AGBL1: variants seen among roughly 807,000 people sequenced by gnomAD.
AGBL1 encodes the protein AGBL carboxypeptidase 1.
AGBL1 carries 130 observed loss-of-function variants against 118.9 expected under a neutral mutation model. That is an observed-to-expected ratio of 1.09 (90% CI 0.95 to 1.26). The LOEUF (loss-of-function observed/expected upper bound fraction) is 1.26, where lower values mean the gene tolerates loss of function less well. AGBL1 is among the 50% of genes most tolerant of loss of function. AGBL1 has a pLI of 0.00. For missense variants in AGBL1, 1,584 were observed against 1,298.1 expected, an observed-to-expected ratio of 1.22 and a Z score of -3.38; for synonymous variants, 555 against 478.9, an observed-to-expected ratio of 1.16 and a Z score of -2.08.
In AGBL1 at chr15:86,279,634, T is replaced by G. The variant is rs1210164873; in HGVS notation, c.2076-5T>G. The G allele has an allele frequency of 1.2e-6, 2 of 1,612,658 alleles. No individual in the cohort carries two copies. Among genetic ancestry groups the G allele is most frequent in the African/African-American group, 1.3e-5 (1 of 74,866 alleles). On this transcript the variant is annotated splice_region_variant and splice_polypyrimidine_tract_variant and intron_variant, in intron 15 of 22. Coordinates refer to ENST00000614907, the MANE Select transcript of AGBL1 (RefSeq NM_001386094.1). ...TTCTCTTCTCTTCTCCTCCTCTCTC[T>G]TTAGAAATCATTATCGCCAGAGTAC...
chr15:86,913,188 C>A lies in AGBL1; in HGVS notation c.*5894C>A, dbSNP rs72754037. ...CTGAAGCTGAGTTTGAGTTCCCCAC[C>A]ACACACACACATACACACACACACA... On this transcript the variant is annotated 3_prime_UTR_variant, in exon 23 of 23. Coordinates refer to ENST00000614907, the MANE Select transcript of AGBL1 (RefSeq NM_001386094.1). The A allele has an allele frequency of 1.7e-5, 2 of 117,066 alleles. No individual in the cohort carries two copies. Among genetic ancestry groups the A allele is most frequent in the East Asian group, 2.4e-4 (1 of 4,230 alleles). The allele number at this position is 117,066 out of a possible 1,614,324, so 7.3% of individuals were successfully genotyped here. A position where few individuals can be genotyped will look rare whatever the true frequency, so the allele number is the denominator to read the frequency against.
At chr15:86,749,542 A>G (rs28889992) in intron 22 of AGBL1, among the ~76,000 whole-genome samples, 2,169 of 152,170 alleles carry the variant, frequency 0.014, 63 homozygotes, top group African/African-American at 0.049. Context: ...AACTTCCAAC[A>G]CTATGTTGAA....
intron 1 of AGBL1, among the ~76,000 whole-genome samples, chr15:86,081,597 A>C (rs889808539): frequency 3.3e-5 from 5 of 152,166 alleles, no homozygotes; most frequent in African/African-American, 1.2e-4. Flanking sequence ...CCTCAAAAGA[A>C]ATTTGCAAAA....
chr15:86,169,684 G>A (rs554337779), intron 5 of AGBL1, among the ~76,000 whole-genome samples: 6 of 152,132 alleles, frequency 3.9e-5, no homozygotes, highest in Non-Finnish European at 7.4e-5. Flanking sequence ...ATTGTTTAGG[G>A]AATAATGACA....
chr15:86,269,951 T>C lies in AGBL1; in HGVS notation c.1871T>C (p.Val624Ala). The C allele has an allele frequency of 1.9e-6, 3 of 1,613,916 alleles. No individual in the cohort carries two copies. The highest frequency in any genetic ancestry group is 2.5e-6 in the Non-Finnish European group (3 of 1,179,854). The change falls in exon 14 of 23, where the codon GTG becomes GCG. Residue 624 changes from valine to alanine, a missense_variant. Transcript: ENST00000614907. ...FEYDLLVNAD[V>A]NSTQHQQWFY... is the part of the protein sequence containing the mutation. ...TATGACTTGCTGGTCAACGCAGATGTGAATAGCACCCAGCACCAGCAGTGG... is the reference window on the plus strand; with the variant it reads ...TATGACTTGCTGGTCAACGCAGATGCGAATAGCACCCAGCACCAGCAGTGG...
At chr15:86,331,330 T>C (rs1021374995) in intron 17 of AGBL1, among the ~76,000 whole-genome samples, 6 of 151,942 alleles carry the variant, frequency 3.9e-5, no homozygotes, top group Admixed American at 3.9e-4. Flanking sequence ...TCTCTCTTCT[T>C]CTCTCCTGAG....
In AGBL1 at chr15:86,562,980, G is replaced by A. The variant is rs187982160; in HGVS notation, c.2994+8443G>A. On this transcript the variant is annotated intron_variant, in intron 21 of 22. Coordinates refer to ENST00000614907, the MANE Select transcript of AGBL1 (RefSeq NM_001386094.1). ...TGGTAGTTTGTATTTCTGTGGGATC[G>A]GTGGTGATATCCCCTTTATCATTTT... Among the ~76,000 whole-genome samples the A allele has an allele frequency of 4.0e-4, 61 of 152,028 alleles. No individual in the cohort carries two copies. The East Asian group carries it at 9.5e-3, about 24-fold the overall frequency.
intron 22 of AGBL1, among the ~76,000 whole-genome samples, chr15:86,774,859 G>A (rs1055009843): frequency 6.6e-6 from 1 of 152,036 alleles, no homozygotes; most frequent in Non-Finnish European, 1.5e-5. Flanking sequence ...TGGAGAGGAA[G>A]AGAGGTAAGG....
chr15:86,789,284 G>A (rs910456291), intron 22 of AGBL1, among the ~76,000 whole-genome samples: 6 of 152,194 alleles, frequency 3.9e-5, no homozygotes, highest in Admixed American at 2.6e-4. Context: ...AATGAAATAT[G>A]TTTTCCCCCA....
intron 22 of AGBL1, among the ~76,000 whole-genome samples, chr15:86,769,386 T>C (rs945879361): frequency 6.6e-6 from 1 of 152,010 alleles, no homozygotes; most frequent in South Asian, 2.1e-4. Flanking sequence ...TATATAAGTA[T>C]TCTTAATTTG....
intron 19 of AGBL1, among the ~76,000 whole-genome samples, chr15:86,530,605 G>A (rs1445391097): frequency 6.0e-4 from 90 of 150,906 alleles, no homozygotes; most frequent in Non-Finnish European, 9.9e-4. Flanking sequence ...TGCACCAAGC[G>A]GACTTAATAG....
chr15:86,917,701 A>G (rs549293723), downstream of AGBL1, among the ~76,000 whole-genome samples: 39 of 152,122 alleles, frequency 2.6e-4, no homozygotes, highest in South Asian at 7.5e-3. This position sits in a 1 kb window ranked among gnomAD's most constrained non-coding sequence, Gnocchi z 4.8. Flanking sequence ...GGGGTGAGGG[A>G]TGAAAAGCTG....
intron 19 of AGBL1, among the ~76,000 whole-genome samples, chr15:86,539,451 C>T (rs1454357357): frequency 2.0e-5 from 3 of 152,156 alleles, no homozygotes; most frequent in African/African-American, 7.2e-5. Context: ...CAGTCCCTCC[C>T]ATCTTAACAC....
At position 86,353,876 on chromosome 15, in the gene AGBL1, C is replaced by T. The variant is rs867032229; in HGVS notation, c.2375-43490C>T. ...AACCCAATCATTTAGTTATGTTGGA[C>T]GATAAGAAACTAGAGTAGTGGTGTG... On this transcript the variant is annotated intron_variant, in intron 17 of 22. Coordinates refer to ENST00000614907, the MANE Select transcript of AGBL1 (RefSeq NM_001386094.1). 5.3e-5 allele frequency among the ~76,000 whole-genome samples: 8 copies of T among 152,030 alleles called. No homozygotes were observed. The South Asian group carries it at 8.3e-4, about 16-fold the overall frequency.
chr15:86,627,562 G>A (rs1248972871), intron 21 of AGBL1, among the ~76,000 whole-genome samples: 1 of 152,154 alleles, frequency 6.6e-6, no homozygotes, highest in Non-Finnish European at 1.5e-5. Context: ...GTGCTGTTAG[G>A]ATAAGCAGAA....
At chr15:86,880,200 C>G (rs1304250086) in intron 22 of AGBL1, among the ~76,000 whole-genome samples, 1 of 152,182 alleles carries the variant, frequency 6.6e-6, no homozygotes, top group Non-Finnish European at 1.5e-5. Context: ...CCAATAAAGG[C>G]TTTCCTTGAC....
chr15:86,079,891 G>A lies in AGBL1; in HGVS notation c.-82G>A, dbSNP rs2141426048. 1.9e-6 allele frequency: 2 copies of A among 1,061,608 alleles called. No individual in the cohort carries two copies. Among genetic ancestry groups the A allele is most frequent in the Non-Finnish European group, 2.4e-6 (2 of 830,718 alleles). The allele number at this position is 1,061,608 out of a possible 1,614,324, so 65.8% of individuals were successfully genotyped here. On this transcript the variant is annotated 5_prime_UTR_variant, in exon 1 of 23. Coordinates refer to ENST00000614907, the MANE Select transcript of AGBL1 (RefSeq NM_001386094.1). Reference sequence around the variant, plus strand: ...CGGGCAGTCGTCTCCTGCGAGGCGGGCAGCGAGGTCAGCTTGGCAGCCGCT... The same window carrying A: ...CGGGCAGTCGTCTCCTGCGAGGCGGACAGCGAGGTCAGCTTGGCAGCCGCT...
At chr15:86,842,929 A>C (rs959223939) in intron 22 of AGBL1, among the ~76,000 whole-genome samples, 1 of 152,112 alleles carries the variant, frequency 6.6e-6, no homozygotes, top group Non-Finnish European at 1.5e-5. Flanking sequence ...TGATCTCATT[A>C]GACAATTCAA....
intron 22 of AGBL1, among the ~76,000 whole-genome samples, chr15:86,704,990 G>A (rs2086422513): frequency 6.6e-6 from 1 of 152,150 alleles, no homozygotes; most frequent in South Asian, 2.1e-4. Flanking sequence ...TAGGGACGTG[G>A]ATGAAGCTGG....
Sources: gnomAD v4.1 joint callset for allele counts (sites outside exome capture counted in the v4.1 genomes callset) on GRCh38, gnomAD v4.1.1 for gene constraint, Gnocchi (gnomAD v3.1) non-coding constraint, MANE v1.5 for transcripts, NCBI Gene and HGNC (gene_info 2026-07-23, HGNC 2026-07-21) for gene names.